Variants in RHOJ observed in about 807,000 individuals in gnomAD.
RHOJ encodes the protein ras homolog family member J.
Under a neutral mutation model 23.4 loss-of-function variants are expected in RHOJ, and 11 were observed. The observed-to-expected ratio is 0.47, with a 90% CI of 0.30 to 0.78. The LOEUF (loss-of-function observed/expected upper bound fraction) is 0.78, where lower values mean the gene tolerates loss of function less well. Ranked by LOEUF, RHOJ falls within the 30% of genes least tolerant of loss-of-function variation. The pLI, the probability that RHOJ is intolerant of heterozygous loss-of-function variation, is 0.08. For synonymous variants in RHOJ, 102 were observed against 102.7 expected (o/e 0.99, Z 0.04); for missense variants, 254 against 273.4 (o/e 0.93, Z 0.50).
At chr14:63,278,877 T>C (rs964640729) in intron 2 of RHOJ, among the ~76,000 whole-genome samples, 2 of 152,128 alleles carry the variant, frequency 1.3e-5, no homozygotes, top group Admixed American at 6.6e-5. Flanking sequence ...TCCAAGCTAC[T>C]TGGGAGGCTG....
chr14:63,206,873 C>T (rs1894121777), intron 1 of RHOJ, among the ~76,000 whole-genome samples: 1 of 152,180 alleles, frequency 6.6e-6, no homozygotes, highest in Non-Finnish European at 1.5e-5. Flanking sequence ...ATACTTTGCA[C>T]ATAGTAAGCA....
chr14:63,251,042 ATAAT>A (rs1195871191), intron 1 of RHOJ, among the ~76,000 whole-genome samples: 1 of 152,146 alleles, frequency 6.6e-6, no homozygotes, highest in Non-Finnish European at 1.5e-5. Flanking sequence ...TCAAAAATAA[ATAAT>A]TAATTAATTA....
At chr14:63,263,567 C>T (rs1471425367) in intron 1 of RHOJ, among the ~76,000 whole-genome samples, 1 of 152,154 alleles carries the variant, frequency 6.6e-6, no homozygotes, top group African/African-American at 2.4e-5. Flanking sequence ...AGGGCACAAG[C>T]TCTGCCCCCT....
At chr14:63,232,694 CTTTTT>C (rs373918863) in intron 1 of RHOJ, among the ~76,000 whole-genome samples, 1 of 115,646 alleles carries the variant, frequency 8.6e-6, no homozygotes, top group Non-Finnish European at 1.8e-5. Context: ...TTTTTCTTGC[CTTTTT>C]TTTTTTTTTT....
intron 4 of RHOJ, among the ~76,000 whole-genome samples, chr14:63,283,796 T>A (rs922267204): frequency 2.6e-5 from 4 of 152,210 alleles, no homozygotes; most frequent in Non-Finnish European, 5.9e-5. Flanking sequence ...AGCTCAGAGC[T>A]GGAACTGTTT....
chr14:63,273,501 G>A (rs1245807354), intron 2 of RHOJ, among the ~76,000 whole-genome samples: 1 of 152,222 alleles, frequency 6.6e-6, no homozygotes, highest in Non-Finnish European at 1.5e-5. Flanking sequence ...TGGACAGCAG[G>A]GTGTTGGTTG....
intron 2 of RHOJ, among the ~76,000 whole-genome samples, chr14:63,276,362 C>T (rs555861351): frequency 1.3e-5 from 2 of 152,270 alleles, no homozygotes; most frequent in South Asian, 4.1e-4. Flanking sequence ...TTGTATTTTC[C>T]CAATTCAGTC....
chr14:63,255,574 C>A (rs184252539), intron 1 of RHOJ, among the ~76,000 whole-genome samples: 355 of 151,428 alleles, frequency 2.3e-3, no homozygotes, highest in African/African-American at 8.1e-3. Context: ...CACCTCCCCC[C>A]AGCCTTACCC....
At chr14:63,212,418 G>T (rs1894258194) in intron 1 of RHOJ, among the ~76,000 whole-genome samples, 1 of 152,120 alleles carries the variant, frequency 6.6e-6, no homozygotes, top group African/African-American at 2.4e-5. Flanking sequence ...TTCCCCAGAA[G>T]GACCACCTAG....
At chr14:63,263,699 C>A (rs774048236) in intron 1 of RHOJ, among the ~76,000 whole-genome samples, 14 of 152,182 alleles carry the variant, frequency 9.2e-5, no homozygotes, top group Non-Finnish European at 1.6e-4. Context: ...CCTTCCCCCA[C>A]CATTTTGCCT....
chr14:63,223,768 C>A (rs980917127), intron 1 of RHOJ, among the ~76,000 whole-genome samples: 1 of 152,148 alleles, frequency 6.6e-6, no homozygotes, highest in South Asian at 2.1e-4. Context: ...ACAAACTCTG[C>A]TTTTTCAGAT....
intron 1 of RHOJ, among the ~76,000 whole-genome samples, chr14:63,205,727 T>C (rs1005486411): frequency 2.6e-5 from 4 of 152,182 alleles, no homozygotes; most frequent in African/African-American, 7.2e-5. Context: ...AAAATGCACA[T>C]AAAATATTTT....
At chr14:63,207,352 A>G (rs1894135826) in intron 1 of RHOJ, among the ~76,000 whole-genome samples, 1 of 152,180 alleles carries the variant, frequency 6.6e-6, no homozygotes, top group Admixed American at 6.5e-5. Flanking sequence ...TTCTATAAGC[A>G]GAGGGATCTT....
intron 1 of RHOJ, among the ~76,000 whole-genome samples, chr14:63,253,770 A>G (rs1451231100): frequency 6.6e-6 from 1 of 152,260 alleles, no homozygotes; most frequent in African/African-American, 2.4e-5. Flanking sequence ...AGTCTAAAAG[A>G]GAACATTTTT....
At chr14:63,219,216 G>A (rs942648890) in intron 1 of RHOJ, among the ~76,000 whole-genome samples, 2 of 152,022 alleles carry the variant, frequency 1.3e-5, no homozygotes, top group Non-Finnish European at 2.9e-5. Context: ...AATTAACTCA[G>A]AGCCCAGAAA....
chr14:63,230,249 GA>G (rs1157514127), intron 1 of RHOJ, among the ~76,000 whole-genome samples: 1 of 151,942 alleles, frequency 6.6e-6, no homozygotes, highest in African/African-American at 2.4e-5. Flanking sequence ...GATATAGAAG[GA>G]AATTCCCCAC....
chr14:63,278,900 C>T (rs1297076637), intron 2 of RHOJ, among the ~76,000 whole-genome samples: 3 of 152,028 alleles, frequency 2.0e-5, no homozygotes, highest in East Asian at 1.9e-4. Flanking sequence ...GTGGGAGTAT[C>T]GCTTGAGCCC....
chr14:63,214,543 T>C lies in RHOJ; in HGVS notation c.178+9496T>C, dbSNP rs998114322. On this transcript the variant is annotated intron_variant, in intron 1 of 4. Coordinates refer to ENST00000316754, the MANE Select transcript of RHOJ (RefSeq NM_020663.5). Reference sequence around the variant, plus strand: ...AAACAGAAAAGGCCTTTAGTGCCTCTTGGAAACGGCTAGCAAACTCCTAAG... The same window carrying C: ...AAACAGAAAAGGCCTTTAGTGCCTCCTGGAAACGGCTAGCAAACTCCTAAG... Among the ~76,000 whole-genome samples the C allele has an allele frequency of 7.2e-5, 11 of 152,336 alleles. No individual in the cohort carries two copies. The East Asian group carries it at 2.1e-3, about 29-fold the overall frequency.
intron 1 of RHOJ, among the ~76,000 whole-genome samples, chr14:63,247,630 C>T (rs996577039): frequency 6.6e-6 from 1 of 152,110 alleles, no homozygotes; most frequent in Non-Finnish European, 1.5e-5. Flanking sequence ...TTTGAATGTG[C>T]CCTTGGGTAG....
Sources: gnomAD v4.1 joint callset for allele counts (sites outside exome capture counted in the v4.1 genomes callset) on GRCh38, gnomAD v4.1.1 for gene constraint, MANE v1.5 for transcripts, NCBI Gene and HGNC (gene_info 2026-07-23, HGNC 2026-07-21) for gene names.